The following ABCC1 variants were observed in gnomAD, a reference collection of about 807,000 sequenced individuals.
The protein encoded by ABCC1 is multidrug resistance-associated protein 1.
ABCC1 carries 83 observed loss-of-function variants against 172.9 expected under a neutral mutation model. The ratio of observed to expected loss-of-function variants is 0.48; its 90% CI spans 0.40 to 0.58. The LOEUF (loss-of-function observed/expected upper bound fraction) is 0.58, where lower values mean the gene tolerates loss of function less well. Among genes scored for constraint, ABCC1 ranks in the 20% least tolerant of loss-of-function variants. The pLI is 0.00. For missense variants in ABCC1, 1,817 were observed against 2,002.7 expected (o/e 0.91, Z 1.77); for synonymous variants, 937 against 825.2 (o/e 1.14, Z -2.32).
At chr16:16,137,965 C>G (rs1459658530) in intron 29 of ABCC1, among the ~76,000 whole-genome samples, 1 of 152,002 alleles carries the variant, frequency 6.6e-6, no homozygotes, top group Admixed American at 6.6e-5. Flanking sequence ...AGCAATCCTG[C>G]CTCAGCCTCC....
At chr16:15,964,321 TTC>T (rs2046199489) in intron 1 of ABCC1, among the ~76,000 whole-genome samples, 2 of 152,252 alleles carry the variant, frequency 1.3e-5, no homozygotes, top group South Asian at 4.2e-4. Flanking sequence ...GCCCTAAATC[TTC>T]TCTCTCAAGT....
chr16:16,055,865 G>A (rs1341260505), intron 11 of ABCC1, among the ~76,000 whole-genome samples: 1 of 151,140 alleles, frequency 6.6e-6, no homozygotes, highest in Non-Finnish European at 1.5e-5. Flanking sequence ...TGAAGTTGAG[G>A]CCCAGTGCGG....
chr16:15,985,196 C>T lies in ABCC1; in HGVS notation c.49-22620C>T, dbSNP rs191241000. 4.6e-5 allele frequency among the ~76,000 whole-genome samples: 7 copies of T among 152,278 alleles called. No homozygotes were observed. The East Asian group carries it at 7.7e-4, about 17-fold the overall frequency. ...ATCCCCAGCTTCTGCCATTCTAAAG[C>T]ATTTTCCTAAGCAGCTCCACTGTGG... is the stretch of plus-strand genomic sequence containing the variant. On this transcript the variant is annotated intron_variant, in intron 1 of 30. Transcript: ENST00000399410.
intron 23 of ABCC1, among the ~76,000 whole-genome samples, chr16:16,116,837 G>A (rs1021361405): frequency 6.6e-6 from 1 of 152,188 alleles, no homozygotes; most frequent in Non-Finnish European, 1.5e-5. Flanking sequence ...TGGGATTACA[G>A]GCATTGACCC....
chr16:16,073,033 T>A (rs2050410866), intron 14 of ABCC1, among the ~76,000 whole-genome samples: 1 of 58,574 alleles, frequency 1.7e-5, no homozygotes, highest in Non-Finnish European at 3.4e-5. Flanking sequence ...AGAGTGAGAC[T>A]TCATCTCAAA....
At chr16:16,100,610 G>A (rs2051690894) in intron 19 of ABCC1, among the ~76,000 whole-genome samples, 1 of 152,230 alleles carries the variant, frequency 6.6e-6, no homozygotes, top group Non-Finnish European at 1.5e-5. Flanking sequence ...AAACAAAACA[G>A]ATGCTGACAT....
intron 19 of ABCC1, among the ~76,000 whole-genome samples, chr16:16,101,545 C>T (rs2051749023): frequency 6.6e-6 from 1 of 152,162 alleles, no homozygotes; most frequent in Non-Finnish European, 1.5e-5. Context: ...TTCCCAGGGT[C>T]ACCCTGACCA....
chr16:16,119,968 A>G (rs1038544086), intron 23 of ABCC1, among the ~76,000 whole-genome samples: 1 of 152,152 alleles, frequency 6.6e-6, no homozygotes, highest in African/African-American at 2.4e-5. Flanking sequence ...TATCTGATCC[A>G]CATTCCAGGA....
chr16:16,101,427 C>G (rs1258902795), intron 19 of ABCC1, among the ~76,000 whole-genome samples: 1 of 152,194 alleles, frequency 6.6e-6, no homozygotes, highest in Non-Finnish European at 1.5e-5. Flanking sequence ...CAGGAATGAT[C>G]TGCAGCCCCC....
At chr16:16,100,310 A>G (rs1354818550) in intron 19 of ABCC1, among the ~76,000 whole-genome samples, 1 of 152,052 alleles carries the variant, frequency 6.6e-6, no homozygotes, top group African/African-American at 2.4e-5. Flanking sequence ...GACGAACAGG[A>G]GAAGTGAAGG....
At chr16:15,974,882 G>A (rs2046449104) in intron 1 of ABCC1, among the ~76,000 whole-genome samples, 1 of 152,132 alleles carries the variant, frequency 6.6e-6, no homozygotes, top group Non-Finnish European at 1.5e-5. Flanking sequence ...CGTCTCCTGG[G>A]TTCAAGTGAT....
Position 15,950,123 on chromosome 16 carries a change from G to A in ABCC1, c.48+324G>A, listed in dbSNP as rs190694452. Among the ~76,000 whole-genome samples, 1,335 of 151,960 alleles carry A rather than the reference G, an allele frequency of 8.8e-3. 18 individuals are homozygous for A. The highest frequency in any genetic ancestry group is 0.029 in the African/African-American group (1,214 of 41,406). ...CCGTCTGTAAAAACAACCTTCCAGG[G>A]AAGGGGACGCTAGAGATGGGGGGCG... On this transcript the variant is annotated intron_variant, in intron 1 of 30. Coordinates refer to ENST00000399410, the MANE Select transcript of ABCC1 (RefSeq NM_004996.4).
intron 1 of ABCC1, among the ~76,000 whole-genome samples, chr16:15,950,012 T>G (rs2045829494): frequency 6.6e-6 from 1 of 151,182 alleles, no homozygotes. Context: ...GAGCAGAGCG[T>G]GGGGGGCCGC....
At chr16:16,033,785 G>A (rs1244030683) in intron 6 of ABCC1, among the ~76,000 whole-genome samples, 6 of 151,536 alleles carry the variant, frequency 4.0e-5, no homozygotes, top group Non-Finnish European at 5.9e-5. Flanking sequence ...CACCATGCCC[G>A]GCTACTTTTT....
intron 3 of ABCC1, among the ~76,000 whole-genome samples, chr16:16,013,905 C>CGAGGCAGAGAGCAGGGGCGAT (rs2047891408): frequency 6.6e-6 from 1 of 152,108 alleles, no homozygotes; most frequent in Admixed American, 6.6e-5. Flanking sequence ...CAGAGATGGC[C>CGAGGCAGAGAGCAGGGGCGAT]GAGGCAGAGA....
chr16:16,094,758 G>A (rs1476095775), intron 19 of ABCC1, among the ~76,000 whole-genome samples: 12 of 148,626 alleles, frequency 8.1e-5, no homozygotes, highest in Admixed American at 4.7e-4. Context: ...GTCATGATCC[G>A]CCCGCCTCGG....
chr16:16,046,120 C>T, intron 9 of ABCC1, 107 bp downstream of exon 9: 2 of 1,290,998 alleles, frequency 1.5e-6, no homozygotes, highest in African/African-American at 1.5e-5. Context: ...GCTTCTGGAG[C>T]AGTAGGATGA....
Position 16,056,287 on chromosome 16 carries a change from C to G in ABCC1, c.1669C>G (p.Pro557Ala), listed in dbSNP as rs1366411939. The G allele has an allele frequency of 6.2e-7, 1 of 1,614,186 alleles. No homozygotes were observed. Among genetic ancestry groups the G allele is most frequent in the Admixed American group, 1.7e-5 (1 of 60,030 alleles). The change falls in exon 12 of 31, where the codon CCC (proline) becomes GCC (alanine). Residue 557 changes from proline (P) to alanine (A), a missense_variant. Pro to Ala is a conservative substitution (Grantham distance 27, BLOSUM62 -1). This residue lies in a region of ABCC1 where 1,412 missense variants were observed against 1,600.3 expected (regional missense o/e 0.88). Transcript: ENST00000399410. ...AVGTFTWVCT[P>A]FLVALCTFAV... ...GGGCACCTTCACCTGGGTCTGCACG[C>G]CCTTTCTGGTGAGTGAAGCCACATT...
rs375018741 is a variant in ABCC1, at chr16:16,048,069, C to T, written c.1219-73C>T. The stretch of plus-strand genomic sequence containing the variant: ...TGCCCCTGAGAGTCTCCTTCCTCTC[C>T]GTGGGTCTGGAGGGAGAGTCAGGCC... On this transcript the variant is annotated intron_variant, in intron 9 of 30. Transcript: ENST00000399410. The T allele has an allele frequency of 9.9e-5, 152 of 1,542,174 alleles. No individual in the cohort carries two copies. In the African/African-American group the frequency reaches 1.0e-3, roughly 10 times the overall value.
Sources: allele counts gnomAD v4.1 joint callset (sites outside exome capture counted in the v4.1 genomes callset), GRCh38; gene constraint gnomAD v4.1.1; regional missense constraint gnomAD v4.1.1; transcripts MANE v1.5; gene names NCBI Gene and HGNC (gene_info 2026-07-23, HGNC 2026-07-21).